Variants in ZNF35 observed in about 807,000 individuals in gnomAD.
ZNF35 encodes the protein zinc finger protein 35.
A neutral mutation model predicts 45.9 loss-of-function variants in ZNF35; 31 were observed. That is an observed-to-expected ratio of 0.68 (90% CI 0.51 to 0.91). The LOEUF is 0.91. ZNF35 is among the 40% of genes least tolerant of loss of function. The probability of loss-of-function intolerance (pLI) is 0.00; values close to 1 mark genes in which losing one functional copy is unlikely to be tolerated. For synonymous variants in ZNF35, 205 were observed against 220.2 expected, an observed-to-expected ratio of 0.93 and a Z score of 0.61; for missense variants, 515 against 625.4, an observed-to-expected ratio of 0.82 and a Z score of 1.88.
In ZNF35 at chr3:44,654,491, T is replaced by C. The variant is rs1421228244; in HGVS notation, c.337+1790T>C. Among the ~76,000 whole-genome samples the C allele has an allele frequency of 2.6e-5, 4 of 152,204 alleles. No homozygotes were observed. The East Asian group carries it at 5.8e-4, about 22-fold the overall frequency. On this transcript the variant is annotated intron_variant, in intron 3 of 3. Transcript: ENST00000396056. ...CCTTCCTATGTGTCAGGCAGCGTGA[T>C]AGGTGCTGGAGATACAGAAATGAAT...
Position 44,660,087 on chromosome 3 carries a change from A to G in ZNF35, c.*140A>G. 1 of 902,206 alleles carries G rather than the reference A, an allele frequency of 1.1e-6. No individual in the cohort carries two copies. The highest frequency in any genetic ancestry group is 3.0e-5 in the South Asian group (1 of 33,294). 55.9% of individuals were successfully genotyped at this position (902,206 alleles called of 1,614,324 possible). ...GTTATAGTTTTCAGGAATGCAGCAGAAGACACAAGAAAAGCATTTCAGAGG... is the reference window on the plus strand; with the variant it reads ...GTTATAGTTTTCAGGAATGCAGCAGGAGACACAAGAAAAGCATTTCAGAGG... On this transcript the variant is annotated 3_prime_UTR_variant, in exon 4 of 4. Transcript: ENST00000396056.
chr3:44,659,262 A>C lies in ZNF35; in HGVS notation c.899A>C (p.His300Pro). ...SSNLTVHQKI[H>P]SLEKTFKCNE... Reference sequence around the variant, plus strand: ...AATCTGACTGTACATCAAAAAATCCACTCCTTAGAAAAAACTTTTAAGTGC... The same window carrying C: ...AATCTGACTGTACATCAAAAAATCCCCTCCTTAGAAAAAACTTTTAAGTGC... Residue 300 changes from histidine to proline, a missense_variant, in exon 4 of 4, where the codon CAC (histidine) becomes CCC (proline). Physicochemically the swap from His to Pro is moderately conservative, Grantham distance 77. This residue lies in a region of ZNF35 where 232 missense variants were observed against 304.6 expected (regional missense o/e 0.76). Coordinates refer to ENST00000396056, the MANE Select transcript of ZNF35 (RefSeq NM_003420.4). This position sits in a 1 kb window ranked among gnomAD's most constrained non-coding sequence, Gnocchi z 4.3. The C allele has an allele frequency of 6.2e-7, 1 of 1,613,612 alleles. No individual in the cohort carries two copies. The highest frequency in any genetic ancestry group is 8.5e-7 in the Non-Finnish European group (1 of 1,179,836).
Position 44,659,131 on chromosome 3 carries a change from G to C in ZNF35, c.768G>C (p.Gly256=), listed in dbSNP as rs1703359046. 6.2e-7 allele frequency: 1 copy of C among 1,614,064 alleles called. No homozygotes were observed. Among genetic ancestry groups the C allele is most frequent in the Admixed American group, 1.7e-5 (1 of 60,002 alleles). ...AACCCTTTGAATGTCATGAGTGTGG[G>C]AAGGCCTTCATTCAGAGTGCAAACC... ...GEKPFECHEC[G]KAFIQSANLV... Residue 256 remains glycine (G), a synonymous_variant, in exon 4 of 4, where the codon GGG becomes GGC. Transcript: ENST00000396056. This position sits in a 1 kb window ranked among gnomAD's most constrained non-coding sequence, Gnocchi z 4.3.
chr3:44,657,659 G>A (rs1703332795), intron 3 of ZNF35, among the ~76,000 whole-genome samples: 1 of 152,178 alleles, frequency 6.6e-6, no homozygotes, highest in African/African-American at 2.4e-5. Flanking sequence ...CTGGCATTGT[G>A]GAGCAGGCTA....
At chr3:44,652,419 ACT>A (rs1416379603) in intron 2 of ZNF35, 136 bp from the exon 3 acceptor site, 7 of 880,618 alleles carry the variant, frequency 7.9e-6, no homozygotes, top group Non-Finnish European at 1.2e-5. Flanking sequence ...GTTGGAGGAG[ACT>A]CTGGCTTCCT....
intron 3 of ZNF35, among the ~76,000 whole-genome samples, chr3:44,657,256 T>C (rs1234703854): frequency 2.0e-5 from 3 of 152,214 alleles, no homozygotes; most frequent in Non-Finnish European, 4.4e-5. Flanking sequence ...TCATGGGTGC[T>C]AGTCTCTCCC....
Position 44,658,706 on chromosome 3 carries a change from G to A in ZNF35, c.343G>A (p.Glu115Lys). ...TTTTCTGTTTCTTGGTTCAGGTGCT[G>A]AAACCAAGAACCTACAGTTACTGGT... ...THGTMNFLGA[E>K]TKNLQLLVPK... Residue 115 changes from glutamate (E) to lysine (K), a missense_variant, in exon 4 of 4, where the codon GAA becomes AAA. Physicochemically the swap from Glu to Lys is moderately conservative, Grantham distance 56. Transcript: ENST00000396056. 1 of 1,558,850 alleles carries A rather than the reference G, an allele frequency of 6.4e-7. No homozygotes were observed. The highest frequency in any genetic ancestry group is 1.7e-4 in the Middle Eastern group (1 of 5,778).
chr3:44,657,097 G>A (rs1384288432), intron 3 of ZNF35, among the ~76,000 whole-genome samples: 1 of 152,162 alleles, frequency 6.6e-6, no homozygotes, highest in Non-Finnish European at 1.5e-5. Context: ...CTGAATGATT[G>A]TGATAGAATT....
At chr3:44,653,210 C>A (rs1703236258) in intron 3 of ZNF35, among the ~76,000 whole-genome samples, 1 of 152,178 alleles carries the variant, frequency 6.6e-6, no homozygotes, top group African/African-American at 2.4e-5. Context: ...CAAGGGGCCT[C>A]AATCCCCTTT....
At chr3:44,655,018 C>T (rs918123800) in intron 3 of ZNF35, among the ~76,000 whole-genome samples, 2 of 152,070 alleles carry the variant, frequency 1.3e-5, no homozygotes, top group Non-Finnish European at 2.9e-5. Context: ...CCTATAGTCC[C>T]AGCTACTTGG....
rs377023021 is a variant in ZNF35, at chr3:44,655,493, A to G, written c.337+2792A>G. On this transcript the variant is annotated intron_variant, in intron 3 of 3. Transcript: ENST00000396056. Reference sequence around the variant, plus strand: ...CCTGTGTTCTAGTTGGTCACAAATTAGTTTTTGTTTTAGTTTTTCATTATT... The same window carrying G: ...CCTGTGTTCTAGTTGGTCACAAATTGGTTTTTGTTTTAGTTTTTCATTATT... Among the ~76,000 whole-genome samples, 5 of 151,864 alleles carry G rather than the reference A, an allele frequency of 3.3e-5. No homozygotes were observed. In the East Asian group the frequency reaches 9.6e-4, roughly 29 times the overall value.
chr3:44,653,357 G>A (rs1703239716), intron 3 of ZNF35, among the ~76,000 whole-genome samples: 1 of 152,178 alleles, frequency 6.6e-6, no homozygotes, highest in Non-Finnish European at 1.5e-5. Flanking sequence ...CTCAGGGTAT[G>A]CTTAAGTTGT....
chr3:44,650,344 T>A lies in ZNF35; in HGVS notation c.-127-597T>A, dbSNP rs1049780336. ...AAAGAACCTTAAAACTACCTGTAAT[T>A]ACACCATCCAGAGTTAACTACCCAC... is the stretch of plus-strand genomic sequence containing the variant. On this transcript the variant is annotated intron_variant, in intron 1 of 3. Transcript: ENST00000396056. Among the ~76,000 whole-genome samples, 7 of 152,314 alleles carry A rather than the reference T, an allele frequency of 4.6e-5. No homozygotes were observed. In the East Asian group the frequency reaches 1.2e-3, roughly 25 times the overall value.
chr3:44,658,278 G>C (rs1703343812), intron 3 of ZNF35, among the ~76,000 whole-genome samples: 1 of 152,200 alleles, frequency 6.6e-6, no homozygotes, highest in Admixed American at 6.5e-5. Context: ...TAATTAACTG[G>C]TGGGTTGCAA....
At position 44,652,673 on chromosome 3, in the gene ZNF35, G is replaced by A; in HGVS notation, c.309G>A (p.Leu103=). 8.7e-6 allele frequency: 14 copies of A among 1,607,948 alleles called. No individual in the cohort carries two copies. Among genetic ancestry groups the A allele is most frequent in the Non-Finnish European group, 1.2e-5 (14 of 1,177,450 alleles). ...LPGTLAKSEI[L]ETHGTMNFLG... Reference sequence around the variant, plus strand: ...GGACTCTGGCCAAGAGTGAGATACTGGAGACTCATGGGACCATGAACTTTC... The same window carrying A: ...GGACTCTGGCCAAGAGTGAGATACTAGAGACTCATGGGACCATGAACTTTC... The change falls in exon 3 of 4, where the codon CTG becomes CTA. Residue 103 remains leucine (L), a synonymous_variant. Transcript: ENST00000396056.
chr3:44,659,504 C>T lies in ZNF35; in HGVS notation c.1141C>T (p.Gln381Ter). The change falls in exon 4 of 4, where the codon CAG becomes TAG. Residue 381 changes from glutamine (Q) to a stop codon, truncating the protein, a stop_gained. Transcript: ENST00000396056. LOFTEE classifies it high-confidence loss of function. This position sits in a 1 kb window ranked among gnomAD's most constrained non-coding sequence, Gnocchi z 4.3. ...CCAGAGTGCAAATCTTATTGTACAT[C>T]AGCGAAGCCATACTGGTGAGAAGCC... Reference protein sequence around the residue: ...FTQSANLIVHQRSHTGEKPYE... With the variant: ...FTQSANLIVH 1 of 1,613,910 alleles carries T rather than the reference C, an allele frequency of 6.2e-7. No homozygotes were observed. Among genetic ancestry groups the T allele is most frequent in the Non-Finnish European group, 8.5e-7 (1 of 1,179,994 alleles).
rs1703373629 is a variant in ZNF35 at position 44,659,944 on chromosome 3, A to C, written c.1581A>C (p.Glu527Asp). ...LMRHHRTHLVE is the reference protein window; with the variant it reads ...LMRHHRTHLVD Reference sequence around the variant, plus strand: ...GACACCATAGAACCCATCTTGTTGAATAACAAGTAAGGAAGAGGAAGACCT... The same window carrying C: ...GACACCATAGAACCCATCTTGTTGACTAACAAGTAAGGAAGAGGAAGACCT... Residue 527 changes from glutamate to aspartate, a missense_variant, in exon 4 of 4, where the codon GAA (glutamate) becomes GAC (aspartate). Transcript: ENST00000396056. This position sits in a 1 kb window ranked among gnomAD's most constrained non-coding sequence, Gnocchi z 4.3. The C allele has an allele frequency of 1.7e-5, 26 of 1,537,340 alleles. No homozygotes were observed. The highest frequency in any genetic ancestry group is 2.3e-5 in the Non-Finnish European group (26 of 1,142,510).
chr3:44,646,813 G>A (rs548140662), upstream of ZNF35: 1 of 343,686 alleles, frequency 2.9e-6, no homozygotes, highest in South Asian at 4.4e-5. Flanking sequence ...ATGGCCAATT[G>A]ATTTTTGACA....
At chr3:44,648,339 A>G (rs1703080621), upstream of ZNF35, 1 of 152,228 alleles carries the variant, frequency 6.6e-6, no homozygotes, top group East Asian at 1.9e-4. Context: ...TTAAATATGT[A>G]TTGAGAGATC....
Sources: gnomAD v4.1 joint callset for allele counts (sites outside exome capture counted in the v4.1 genomes callset) on GRCh38, gnomAD v4.1.1 for gene constraint, gnomAD v4.1.1 regional missense constraint, Gnocchi (gnomAD v3.1) non-coding constraint, MANE v1.5 for transcripts, NCBI Gene and HGNC (gene_info 2026-07-23, HGNC 2026-07-21) for gene names.